TMEM132D: variants seen among roughly 807,000 people sequenced by gnomAD.
TMEM132D encodes transmembrane protein 132D, also known as mature OL transmembrane protein.
TMEM132D carries 21 observed loss-of-function variants against 62.3 expected under a neutral mutation model. The ratio of observed to expected loss-of-function variants is 0.34; its 90% CI spans 0.24 to 0.49. The LOEUF (loss-of-function observed/expected upper bound fraction) is 0.49, where lower values mean the gene tolerates loss of function less well. Ranked by LOEUF, TMEM132D falls within the 20% of genes least tolerant of loss-of-function variation. The pLI, the probability that TMEM132D is intolerant of heterozygous loss-of-function variation, is 0.99. For missense variants in TMEM132D, 1,346 were observed against 1,402.8 expected (o/e 0.96, Z 0.65); for synonymous variants, 621 against 575.6 (o/e 1.08, Z -1.13).
chr12:129,516,977 C>T (rs920448698), intron 3 of TMEM132D, among the ~76,000 whole-genome samples: 1 of 152,168 alleles, frequency 6.6e-6, no homozygotes, highest in Non-Finnish European at 1.5e-5. Flanking sequence ...TCTCCTACTT[C>T]TGACACCAAA....
Position 129,585,549 on chromosome 12 carries a change from G to A in TMEM132D, c.969-54344C>T, listed in dbSNP as rs558159860. On this transcript the variant is annotated intron_variant, in intron 2 of 8. Coordinates refer to ENST00000422113, the MANE Select transcript of TMEM132D (RefSeq NM_133448.3). ...CTTGTGGAGATTATTGGCATGTAAG[G>A]AGCTGTCTCAAATGATTCCTCAAAT... Among the ~76,000 whole-genome samples, 4 of 152,324 alleles carry A rather than the reference G, an allele frequency of 2.6e-5. No individual in the cohort carries two copies. The South Asian group carries it at 8.3e-4, about 32-fold the overall frequency.
rs186944339 is a variant in TMEM132D, at chr12:129,105,602, C to T, written c.1444-20900G>A. Among the ~76,000 whole-genome samples, 16 of 149,376 alleles carry T rather than the reference C, an allele frequency of 1.1e-4. No individual in the cohort carries two copies. In the East Asian group the frequency reaches 1.7e-3, roughly 16 times the overall value. ...ACAAACAACCCCATCAAAAAGTGGC[C>T]GAAGGACATGAACAGACAATCCTCA... On this transcript the variant is annotated intron_variant, in intron 5 of 8. Transcript: ENST00000422113.
chr12:129,104,729 G>A (rs1292218005), intron 5 of TMEM132D, among the ~76,000 whole-genome samples: 2,807 of 150,952 alleles, frequency 0.019, 79 homozygotes, highest in African/African-American at 0.065. Flanking sequence ...AAAAGTGGGC[G>A]AAGGACATGG....
At chr12:129,786,568 A>C (rs1296188315) in intron 1 of TMEM132D, among the ~76,000 whole-genome samples, 4 of 151,880 alleles carry the variant, frequency 2.6e-5, no homozygotes, top group Non-Finnish European at 5.9e-5. Flanking sequence ...TCTTCATCCA[A>C]CTGGATGGTT....
intron 2 of TMEM132D, among the ~76,000 whole-genome samples, chr12:129,662,809 A>AT (rs146781917): frequency 1.2e-5 from 1 of 82,012 alleles, no homozygotes; most frequent in Non-Finnish European, 2.4e-5. Flanking sequence ...AAAAAAAAAA[A>AT]AAAAGAGAGA....
chr12:129,267,820 T>C (rs1880736953), intron 4 of TMEM132D, among the ~76,000 whole-genome samples: 1 of 152,202 alleles, frequency 6.6e-6, no homozygotes. Context: ...AGCATGGTAC[T>C]GGTACCAAAA....
At chr12:129,712,007 T>G (rs1278167073) in intron 1 of TMEM132D, among the ~76,000 whole-genome samples, 1 of 151,946 alleles carries the variant, frequency 6.6e-6, no homozygotes, top group Non-Finnish European at 1.5e-5. Flanking sequence ...TGGGAAAGTC[T>G]CCAGTACATC....
At chr12:129,606,799 A>T (rs553870389) in intron 2 of TMEM132D, among the ~76,000 whole-genome samples, 14 of 152,300 alleles carry the variant, frequency 9.2e-5, no homozygotes, top group African/African-American at 3.1e-4. Context: ...CATATCTTAA[A>T]CATCTGAGTA....
At chr12:129,568,255 G>A (rs1247973876) in intron 2 of TMEM132D, among the ~76,000 whole-genome samples, 1 of 152,176 alleles carries the variant, frequency 6.6e-6, no homozygotes, top group Non-Finnish European at 1.5e-5. Flanking sequence ...GCATTCCCTT[G>A]GCTAGTAAGT....
chr12:129,161,319 G>C (rs1301164267), intron 5 of TMEM132D, among the ~76,000 whole-genome samples: 1 of 152,178 alleles, frequency 6.6e-6, no homozygotes, highest in Non-Finnish European at 1.5e-5. Context: ...CAAAATACCT[G>C]AGCAGAAGTA....
At chr12:129,658,823 A>G (rs1342522818) in intron 2 of TMEM132D, among the ~76,000 whole-genome samples, 2 of 152,158 alleles carry the variant, frequency 1.3e-5, no homozygotes, top group African/African-American at 4.8e-5. Context: ...ATGGACAGGT[A>G]ATGAAGGATG....
chr12:129,573,981 A>G (rs889811279), intron 2 of TMEM132D, among the ~76,000 whole-genome samples: 1 of 151,622 alleles, frequency 6.6e-6, no homozygotes, highest in Non-Finnish European at 1.5e-5. Context: ...GAGGAACTCT[A>G]TGGGGCCCGG....
chr12:129,404,696 G>T (rs1056606330), intron 3 of TMEM132D, among the ~76,000 whole-genome samples: 1 of 152,048 alleles, frequency 6.6e-6, no homozygotes, highest in African/African-American at 2.4e-5. Context: ...TAGGGGAGAT[G>T]CCATACTCTT....
At chr12:129,274,766 G>A (rs3996448) in intron 4 of TMEM132D, among the ~76,000 whole-genome samples, 7,418 of 151,966 alleles carry the variant, frequency 0.049, 364 homozygotes, top group Admixed American at 0.15. Context: ...GGGCGCCTGT[G>A]GTCCCAGCTA....
chr12:129,762,391 G>GT (rs904423455), intron 1 of TMEM132D, among the ~76,000 whole-genome samples: 1 of 151,896 alleles, frequency 6.6e-6, no homozygotes, highest in Non-Finnish European at 1.5e-5. Flanking sequence ...AAAAAGATTT[G>GT]TTTTTTTAAA....
At chr12:129,803,296 T>A (rs1484817922) in intron 1 of TMEM132D, among the ~76,000 whole-genome samples, 6 of 146,612 alleles carry the variant, frequency 4.1e-5, no homozygotes, top group Non-Finnish European at 9.1e-5. Context: ...GAAGTAAAGC[T>A]CTCCTCAGCA....
At chr12:129,463,470 G>GTATTATTATTAT (rs71082722) in intron 3 of TMEM132D, among the ~76,000 whole-genome samples, 2 of 117,642 alleles carry the variant, frequency 1.7e-5, no homozygotes, top group African/African-American at 6.3e-5. Context: ...ATTTATTTAT[G>GTATTATTATTAT]TATTATTATT....
chr12:129,309,220 A>AAT (rs201356881), intron 4 of TMEM132D, among the ~76,000 whole-genome samples: 1,940 of 152,290 alleles, frequency 0.013, 45 homozygotes, highest in African/African-American at 0.044. Context: ...GTATTATATT[A>AAT]ATATATTCCC....
At chr12:129,409,825 C>A (rs1323904553) in intron 3 of TMEM132D, among the ~76,000 whole-genome samples, 1 of 152,216 alleles carries the variant, frequency 6.6e-6, no homozygotes, top group African/African-American at 2.4e-5. Flanking sequence ...TCTGCATAAT[C>A]TTGCATGAGG....
Sources: gnomAD v4.1 joint callset for allele counts (sites outside exome capture counted in the v4.1 genomes callset) on GRCh38, gnomAD v4.1.1 for gene constraint, MANE v1.5 for transcripts, NCBI Gene and HGNC (gene_info 2026-07-23, HGNC 2026-07-21) for gene names.